The following NPR3 variants were observed in gnomAD, a reference collection of about 807,000 sequenced individuals.
NPR3 encodes natriuretic peptide receptor 3, also known as atrial natriuretic peptide receptor 3.
A neutral mutation model predicts 54.5 loss-of-function variants in NPR3; 34 were observed. The ratio of observed to expected loss-of-function variants is 0.62; its 90% CI spans 0.47 to 0.83. The LOEUF (loss-of-function observed/expected upper bound fraction) is 0.83, where lower values mean the gene tolerates loss of function less well. Ranked by LOEUF, NPR3 falls within the 40% of genes least tolerant of loss-of-function variation. NPR3 has a pLI of 0.00. For synonymous variants in NPR3, 289 were observed against 297.1 expected, an observed-to-expected ratio of 0.97 and a Z score of 0.28; for missense variants, 674 against 720.8, an observed-to-expected ratio of 0.94 and a Z score of 0.74.
rs534976830 is a variant in NPR3 at position 32,789,804 on chromosome 5, T to C, written c.*3459T>C. 3.4e-5 allele frequency: 17 copies of C among 500,936 alleles called. No homozygotes were observed. Among genetic ancestry groups the C allele is most frequent in the South Asian group, 2.6e-4 (17 of 65,028 alleles). 31.0% of individuals were successfully genotyped at this position (500,936 alleles called of 1,614,324 possible). ...ATAGTGATGGATTCAGAAAGTAGGT[T>C]CCAGTGGCGTCACTACCTTCTTGTA... On this transcript the variant is annotated 3_prime_UTR_variant, in exon 8 of 8. Coordinates refer to ENST00000265074, the MANE Select transcript of NPR3 (RefSeq NM_001204375.2).
chr5:32,765,455 C>A (rs1380573593), intron 3 of NPR3, among the ~76,000 whole-genome samples: 1 of 152,154 alleles, frequency 6.6e-6, no homozygotes, highest in Admixed American at 6.5e-5. Context: ...TGATGGCATG[C>A]TATGGGCAGG....
intron 1 of NPR3, among the ~76,000 whole-genome samples, chr5:32,723,707 A>G (rs1738986758): frequency 6.6e-6 from 1 of 152,218 alleles, no homozygotes; most frequent in Non-Finnish European, 1.5e-5. Context: ...TTATTTTGAA[A>G]TAATCTTGCA....
chr5:32,764,788 C>CAAAAAAAAAAAAAAAAAAAAAAAAAAAA (rs568944478), intron 3 of NPR3, among the ~76,000 whole-genome samples: 3 of 36,498 alleles, frequency 8.2e-5, no homozygotes, highest in African/African-American at 2.9e-4. Context: ...GGGTCCATCT[C>CAAAAAAAAAAAAAAAAAAAAAAAAAAAA]AAAAAAAAAA....
chr5:32,695,909 T>C lies in NPR3; in HGVS notation c.100+6723T>C, dbSNP rs1367318110. On this transcript the variant is annotated intron_variant, in intron 1 of 5. Transcript: ENST00000509104. ...TATAGAGTTGTTTGAGCTCCTTATATATTATAATTATTAATCCCTTGTCAG... is the reference window on the plus strand; with the variant it reads ...TATAGAGTTGTTTGAGCTCCTTATACATTATAATTATTAATCCCTTGTCAG... 4.6e-5 allele frequency among the ~76,000 whole-genome samples: 7 copies of C among 152,188 alleles called. No individual in the cohort carries two copies. The East Asian group carries it at 1.3e-3, about 29-fold the overall frequency.
chr5:32,695,955 T>G (rs1740521566), intron 1 of NPR3, among the ~76,000 whole-genome samples: 1 of 152,236 alleles, frequency 6.6e-6, no homozygotes, highest in African/African-American at 2.4e-5. Flanking sequence ...TGAAAATTTT[T>G]TCTCCCATTT....
intron 4 of NPR3, among the ~76,000 whole-genome samples, chr5:32,775,137 T>C (rs1741977486): frequency 6.6e-6 from 1 of 152,218 alleles, no homozygotes; most frequent in Non-Finnish European, 1.5e-5. Context: ...GGACAGTTTG[T>C]GAAGAGTTCT....
rs111781497 is a variant in NPR3 at position 32,702,701 on chromosome 5, G to A, written c.100+13515G>A. 5.3e-3 allele frequency among the ~76,000 whole-genome samples: 805 copies of A among 152,118 alleles called. 1 individual carries two copies. Among genetic ancestry groups the A allele is most frequent in the Non-Finnish European group, 8.3e-3 (565 of 68,010 alleles). ...TTTGGTTCCAAGTCTTTGCTATTGT[G>A]AATAGTGCCACAATAAGCATACGTG... is the stretch of plus-strand genomic sequence containing the variant. On this transcript the variant is annotated intron_variant, in intron 1 of 5. Coordinates refer to the NPR3 transcript ENST00000509104.
At chr5:32,769,602 A>G (rs16890272) in intron 3 of NPR3, among the ~76,000 whole-genome samples, 6,539 of 152,214 alleles carry the variant, frequency 0.043, 481 homozygotes, top group African/African-American at 0.15. Context: ...CCTCCTTTGC[A>G]CTGGGAACCA....
In NPR3 at chr5:32,786,607, G is replaced by A. The variant is rs1742647744; in HGVS notation, c.*262G>A. 1 of 390,734 alleles carries A rather than the reference G, an allele frequency of 2.6e-6. No homozygotes were observed. The highest frequency in any genetic ancestry group is 5.7e-5 in the East Asian group (1 of 17,686). 24.2% of individuals were successfully genotyped at this position (390,734 alleles called of 1,614,324 possible). The stretch of plus-strand genomic sequence containing the variant: ...TGTTCATACTGTTTCAAGCCCATAT[G>A]ATTAGATTTATGTTTTTAAAATCTG... On this transcript the variant is annotated 3_prime_UTR_variant, in exon 8 of 8. Coordinates refer to ENST00000265074, the MANE Select transcript of NPR3 (RefSeq NM_001204375.2).
chr5:32,730,198 TA>T (rs139957957), intron 2 of NPR3, among the ~76,000 whole-genome samples: 9,864 of 147,672 alleles, frequency 0.067, 369 homozygotes, highest in East Asian at 0.095. Context: ...TTAAGGAAGT[TA>T]AAAAAAAAAG....
chr5:32,720,995 C>A (rs975491093), intron 1 of NPR3, among the ~76,000 whole-genome samples: 1 of 152,158 alleles, frequency 6.6e-6, no homozygotes, highest in Non-Finnish European at 1.5e-5. Context: ...TAAAACTGTT[C>A]TAAACCTTTT....
chr5:32,744,789 T>C (rs1352670815), intron 3 of NPR3, among the ~76,000 whole-genome samples: 3 of 152,160 alleles, frequency 2.0e-5, no homozygotes, highest in African/African-American at 7.2e-5. Flanking sequence ...GCTCGGTTCC[T>C]CTGCATCGCA....
Position 32,783,002 on chromosome 5 carries a change from A to G in NPR3, c.1400A>G (p.His467Arg). ...LRIDENRIVE[H>R]TNSSPCKSSG... Reference sequence around the variant, plus strand: ...ATAGATGAAAACCGAATTGTAGAGCATACAAACAGCTCTCCCTGCAAATCA... The same window carrying G: ...ATAGATGAAAACCGAATTGTAGAGCGTACAAACAGCTCTCCCTGCAAATCA... The change falls in exon 6 of 8, where the codon CAT (histidine) becomes CGT (arginine). Residue 467 changes from histidine to arginine, a missense_variant. By Grantham distance (29) the His-to-Arg change is conservative. Coordinates refer to ENST00000265074, the MANE Select transcript of NPR3 (RefSeq NM_001204375.2). 2.5e-6 allele frequency: 4 copies of G among 1,604,280 alleles called. No individual in the cohort carries two copies. Among genetic ancestry groups the G allele is most frequent in the Non-Finnish European group, 3.4e-6 (4 of 1,174,650 alleles).
At chr5:32,722,119 A>G (rs888234978) in intron 1 of NPR3, among the ~76,000 whole-genome samples, 4 of 152,138 alleles carry the variant, frequency 2.6e-5, no homozygotes, top group African/African-American at 7.2e-5. Flanking sequence ...AGAGAGAAGG[A>G]GATGGGCCGG....
intron 1 of NPR3, among the ~76,000 whole-genome samples, chr5:32,703,987 G>T (rs1261702587): frequency 6.6e-6 from 1 of 152,218 alleles, no homozygotes; most frequent in Non-Finnish European, 1.5e-5. Flanking sequence ...AGAACCCAAA[G>T]CACTTTAGCC....
At position 32,786,359 on chromosome 5, in the gene NPR3, C is replaced by CTTT. The variant is rs370683701; in HGVS notation, c.*23_*25dup. 2.8e-5 allele frequency: 26 copies of CTTT among 933,276 alleles called. No individual in the cohort carries two copies. Among genetic ancestry groups the CTTT allele is most frequent in the African/African-American group, 5.0e-5 (3 of 59,740 alleles). 57.8% of individuals were successfully genotyped at this position (933,276 alleles called of 1,614,324 possible). On this transcript the variant is annotated 3_prime_UTR_variant, in exon 8 of 8. Transcript: ENST00000265074. ...TCAGTAGCTTAAAGGAAGCCCCCCA[C>CTTT]TTTTTTTTTTTCTGCCTGAGATTCT...
intron 2 of NPR3, among the ~76,000 whole-genome samples, chr5:32,728,981 C>T (rs1179521106): frequency 1.4e-5 from 2 of 146,138 alleles, no homozygotes; most frequent in Non-Finnish European, 3.0e-5. Context: ...ATTTTATTCC[C>T]TGAGGATGCT....
At chr5:32,747,216 T>C (rs893423220) in intron 3 of NPR3, among the ~76,000 whole-genome samples, 1 of 152,198 alleles carries the variant, frequency 6.6e-6, no homozygotes, top group African/African-American at 2.4e-5. Flanking sequence ...CTGTTTTTGA[T>C]AGTAAAAATT....
intron 5 of NPR3, among the ~76,000 whole-genome samples, chr5:32,781,733 T>C (rs1022281294): frequency 1.3e-5 from 2 of 152,218 alleles, no homozygotes; most frequent in Non-Finnish European, 2.9e-5. Flanking sequence ...GGGTCTCATC[T>C]GTATTTCTGG....
Sources: allele counts gnomAD v4.1 joint callset (sites outside exome capture counted in the v4.1 genomes callset), GRCh38; gene constraint gnomAD v4.1.1; transcripts MANE v1.5; gene names NCBI Gene and HGNC (gene_info 2026-07-23, HGNC 2026-07-21).